Variants in KLF5 observed in about 807,000 individuals in gnomAD.
KLF5 encodes the protein Krueppel-like factor 5.
KLF5 carries 9 observed loss-of-function variants against 36.9 expected under a neutral mutation model. The observed-to-expected ratio is 0.24, with a 90% CI of 0.15 to 0.43. KLF5 has a LOEUF of 0.43. Ranked by LOEUF, KLF5 falls within the 20% of genes least tolerant of loss-of-function variation. The pLI is 1.00. For missense variants in KLF5, 524 were observed against 599.5 expected, an observed-to-expected ratio of 0.87 and a Z score of 1.31; for synonymous variants, 246 against 241.7, an observed-to-expected ratio of 1.02 and a Z score of -0.17.
At position 73,061,909 on chromosome 13, in the gene KLF5, C is replaced by G. The variant is rs145474787; in HGVS notation, c.310C>G (p.Pro104Ala). The change falls in exon 2 of 4, where the codon CCT becomes GCT. Residue 104 changes from proline to alanine, a missense_variant. This residue lies in a region of KLF5 where 454 missense variants were observed against 458.1 expected (regional missense o/e 0.99). Transcript: ENST00000377687. ...KYLTPQLPPV[P>A]IIPEHKKYRR... The stretch of plus-strand genomic sequence containing the variant: ...TCTGACACCTCAGCTTCCTCCAGTT[C>G]CTATAATTCCAGAGCATAAAAAGTA... The G allele has an allele frequency of 6.2e-7, 1 of 1,613,802 alleles. No homozygotes were observed. Among genetic ancestry groups the G allele is most frequent in the African/African-American group, 1.3e-5 (1 of 74,882 alleles).
rs2044611802 is a variant in KLF5, at chr13:73,059,386, C to T, written c.59C>T (p.Ala20Val). The T allele has an allele frequency of 1.4e-6, 2 of 1,403,356 alleles. No individual in the cohort carries two copies. The highest frequency in any genetic ancestry group is 2.6e-4 in the Middle Eastern group (1 of 3,890). 86.9% of individuals were successfully genotyped at this position (1,403,356 alleles called of 1,614,324 possible). ...ARLGPVPQPP[A>V]PQDEPVFAQL... ...CTGGGACCCGTGCCCCAGCCGCCGGCGCCGCAGGACGAGCCGGTGTTCGCG... is the reference window on the plus strand; with the variant it reads ...CTGGGACCCGTGCCCCAGCCGCCGGTGCCGCAGGACGAGCCGGTGTTCGCG... The change falls in exon 1 of 4, where the codon GCG becomes GTG. Residue 20 changes from alanine (A) to valine (V), a missense_variant. Coordinates refer to ENST00000377687, the MANE Select transcript of KLF5 (RefSeq NM_001730.5).
In KLF5 at chr13:73,076,008, G is replaced by A; in HGVS notation, c.*122G>A. ...GAAAACCACAACTAAAACTGGAAAT[G>A]TATATTTTGTATATTTGAGAAAACA... On this transcript the variant is annotated 3_prime_UTR_variant, in exon 4 of 4. Coordinates refer to ENST00000377687, the MANE Select transcript of KLF5 (RefSeq NM_001730.5). The A allele has an allele frequency of 1.3e-6, 1 of 779,814 alleles. No individual in the cohort carries two copies. The highest frequency in any genetic ancestry group is 2.8e-5 in the South Asian group (1 of 35,734). 48.3% of individuals were successfully genotyped at this position (779,814 alleles called of 1,614,324 possible). A position where few individuals can be genotyped will look rare whatever the true frequency, so the allele number is the denominator to read the frequency against.
chr13:73,067,593 T>C (rs1055571587), intron 3 of KLF5, among the ~76,000 whole-genome samples: 1 of 152,150 alleles, frequency 6.6e-6, no homozygotes, highest in African/African-American at 2.4e-5. Context: ...TTCTTTCTTT[T>C]TTTTCCCCCG....
chr13:73,064,487 T>C lies in KLF5; in HGVS notation c.1195+604T>C, dbSNP rs113479225. On this transcript the variant is annotated intron_variant, in intron 3 of 3. Transcript: ENST00000377687. ...CTTTATTCTAGCTTACATTCATTCT[T>C]GTTTACATATGCTTTTAAGTTTAGC... is the stretch of plus-strand genomic sequence containing the variant. Among the ~76,000 whole-genome samples the C allele has an allele frequency of 7.7e-3, 1,175 of 152,350 alleles. 13 individuals carry two copies. Among genetic ancestry groups the C allele is most frequent in the African/African-American group, 0.025 (1,058 of 41,570 alleles).
chr13:73,062,304 G>A lies in KLF5; in HGVS notation c.705G>A (p.Pro235=), dbSNP rs1436094070. ...ACCTGTACCAGCTACTGAATACACC[G>A]GATCTAGATATGCCCAGTTCTACAA... ...QGHLYQLLNT[P]DLDMPSSTNQ... is the part of the protein sequence containing the mutation. The change falls in exon 2 of 4, where the codon CCG becomes CCA. Residue 235 remains proline, a synonymous_variant. Coordinates refer to ENST00000377687, the MANE Select transcript of KLF5 (RefSeq NM_001730.5). The A allele has an allele frequency of 2.5e-6, 4 of 1,613,874 alleles. No homozygotes were observed. The highest frequency in any genetic ancestry group is 2.2e-5 in the South Asian group (2 of 91,080).
At chr13:73,059,785 G>T (rs1039176182) in intron 1 of KLF5, 197 bp downstream of exon 1, 1 of 536,400 alleles carries the variant, frequency 1.9e-6, no homozygotes, top group African/African-American at 2.1e-5. Flanking sequence ...GGGGGGGGGG[G>T]CCGGGGGTGG....
chr13:73,059,864 C>A, intron 1 of KLF5: 1 of 943,684 alleles, frequency 1.1e-6, no homozygotes, highest in Non-Finnish European at 1.3e-6. Context: ...ACTGGGTGCT[C>A]ACGCGCACCT....
At chr13:73,063,987 GTTT>G in intron 3 of KLF5, 104 bp downstream of exon 3, 4 of 448,106 alleles carry the variant, frequency 8.9e-6, no homozygotes, top group South Asian at 3.4e-5. Flanking sequence ...TGTCAACTTT[GTTT>G]TTTTTTTTTT....
intron 3 of KLF5, among the ~76,000 whole-genome samples, chr13:73,069,447 C>G (rs1430688941): frequency 6.6e-6 from 1 of 152,076 alleles, no homozygotes; most frequent in East Asian, 1.9e-4. Flanking sequence ...GAGGAAGTAT[C>G]ACATTTATTA....
Position 73,059,242 on chromosome 13 carries a change from C to T in KLF5, c.-86C>T. On this transcript the variant is annotated 5_prime_UTR_variant, in exon 1 of 4. Transcript: ENST00000377687. The stretch of plus-strand genomic sequence containing the variant: ...AACCTCCCCTCCTCCGCCGGCAGCC[C>T]CGCGCTGAGCTCGCCGACCCAAGCC... 1.6e-6 allele frequency: 2 copies of T among 1,227,434 alleles called. No individual in the cohort carries two copies. Among genetic ancestry groups the T allele is most frequent in the Non-Finnish European group, 2.1e-6 (2 of 973,724 alleles). 76.0% of individuals were successfully genotyped at this position (1,227,434 alleles called of 1,614,324 possible).
intron 3 of KLF5, among the ~76,000 whole-genome samples, chr13:73,068,287 CTTTA>C (rs2044695968): frequency 6.6e-6 from 1 of 152,156 alleles, no homozygotes; most frequent in South Asian, 2.1e-4. Flanking sequence ...TTGCAGAAGA[CTTTA>C]TTGCCTACTG....
intron 1 of KLF5, chr13:73,060,479 C>G (rs1370277736): frequency 6.6e-6 from 1 of 152,226 alleles, no homozygotes; most frequent in African/African-American, 2.4e-5. Flanking sequence ...TTTCAAGACA[C>G]TTCATTTAGT....
chr13:73,073,686 G>A (rs765051690), intron 3 of KLF5, among the ~76,000 whole-genome samples: 2 of 152,040 alleles, frequency 1.3e-5, no homozygotes, highest in African/African-American at 2.4e-5. Context: ...TCCATTAAAT[G>A]ACAGTAAAGT....
chr13:73,068,826 C>T (rs1042343556), intron 3 of KLF5, among the ~76,000 whole-genome samples: 2 of 151,492 alleles, frequency 1.3e-5, no homozygotes, highest in African/African-American at 2.4e-5. Context: ...GGCGCGGTGG[C>T]GGCTCACGCC....
At chr13:73,061,795 G>C in intron 1 of KLF5, 66 bp from the exon 2 acceptor site, 1 of 1,494,158 alleles carries the variant, frequency 6.7e-7, no homozygotes, top group East Asian at 2.3e-5. Flanking sequence ...AGTAGGCGCC[G>C]ATTGTTCGTT....
intron 3 of KLF5, among the ~76,000 whole-genome samples, chr13:73,071,295 TTC>T (rs1195411117): frequency 2.6e-5 from 4 of 152,128 alleles, no homozygotes; most frequent in Non-Finnish European, 4.4e-5. Flanking sequence ...AGAAAGGAAT[TTC>T]TCTTTTGTTG....
At chr13:73,068,807 A>C (rs112624506) in intron 3 of KLF5, among the ~76,000 whole-genome samples, 1 of 151,138 alleles carries the variant, frequency 6.6e-6, no homozygotes. Context: ...TCTCGATAAT[A>C]TTTGGCTGGG....
At chr13:73,055,360 T>G (rs2044577183), upstream of KLF5, among the ~76,000 whole-genome samples, 2 of 152,210 alleles carry the variant, frequency 1.3e-5, no homozygotes, top group African/African-American at 4.8e-5. Flanking sequence ...AATATTAAAT[T>G]GTTGTCTTAA....
rs143413239 is a variant in KLF5, at chr13:73,062,759, C to A, written c.1135+25C>A. The stretch of plus-strand genomic sequence containing the variant: ...GGTATGTGCTCTTACCTGGTTGAAG[C>A]ATCAATAGATGTAGTGTGTGTGTGT... On this transcript the variant is annotated intron_variant, in intron 2 of 3. Transcript: ENST00000377687. 665 of 1,596,818 alleles carry A rather than the reference C, an allele frequency of 4.2e-4. 8 individuals are homozygous for A. The Middle Eastern group carries it at 0.016, about 38-fold the overall frequency.
Sources: allele counts gnomAD v4.1 joint callset (sites outside exome capture counted in the v4.1 genomes callset), GRCh38; gene constraint gnomAD v4.1.1; regional missense constraint gnomAD v4.1.1; transcripts MANE v1.5; gene names NCBI Gene and HGNC (gene_info 2026-07-23, HGNC 2026-07-21).